Variants in KCNAB1 observed in about 807,000 individuals in gnomAD.
KCNAB1 encodes potassium voltage-gated channel subfamily A regulatory beta subunit 1.
In KCNAB1, 35 loss-of-function variants were observed where a neutral mutation model predicts 64.6. The ratio of observed to expected loss-of-function variants is 0.54; its 90% CI spans 0.41 to 0.72. The LOEUF is 0.72. Ranked by LOEUF, KCNAB1 falls within the 30% of genes least tolerant of loss-of-function variation. KCNAB1 has a pLI of 0.00. For missense variants in KCNAB1, 401 were observed against 512.9 expected, an observed-to-expected ratio of 0.78 and a Z score of 2.11; for synonymous variants, 177 against 183.8, an observed-to-expected ratio of 0.96 and a Z score of 0.30.
chr3:156,175,163 G>A (rs927284364), intron 1 of KCNAB1, among the ~76,000 whole-genome samples: 7 of 151,872 alleles, frequency 4.6e-5, no homozygotes, highest in Admixed American at 1.3e-4. Context: ...TATTTTTTAA[G>A]GCTTTTAATA....
Position 156,537,117 on chromosome 3 carries a change from C to G in KCNAB1, c.*370C>G, listed in dbSNP as rs989807818. 2.5e-5 allele frequency: 10 copies of G among 401,162 alleles called. No individual in the cohort carries two copies. The highest frequency in any genetic ancestry group is 4.4e-5 in the Admixed American group (1 of 22,972). 24.9% of individuals were successfully genotyped at this position (401,162 alleles called of 1,614,324 possible). A position where few individuals can be genotyped will look rare whatever the true frequency, so the allele number is the denominator to read the frequency against. ...TTCAAAAGAACAAAATCCACAGATG[C>G]AATGTGAGTTGCGTAAGAAACAGAG... On this transcript the variant is annotated 3_prime_UTR_variant, in exon 14 of 14. Transcript: ENST00000490337.
intron 1 of KCNAB1, among the ~76,000 whole-genome samples, chr3:156,171,047 C>T (rs560329024): frequency 5.9e-4 from 90 of 152,172 alleles, no homozygotes; most frequent in Non-Finnish European, 1.1e-3. Context: ...TGCTTTTTGG[C>T]GGTGAGTGGG....
At chr3:156,332,851 A>AT (rs1723435981) in intron 1 of KCNAB1, among the ~76,000 whole-genome samples, 7 of 152,160 alleles carry the variant, frequency 4.6e-5, no homozygotes, top group African/African-American at 1.7e-4. Flanking sequence ...GGGGAGATCA[A>AT]CTTTTTTCCC....
chr3:156,257,775 G>A (rs1435476434), intron 1 of KCNAB1, among the ~76,000 whole-genome samples: 4 of 152,170 alleles, frequency 2.6e-5, no homozygotes, highest in African/African-American at 9.7e-5. Flanking sequence ...GATGGTGACT[G>A]GCTGGTGCAG....
chr3:156,470,779 A>G (rs938195977), intron 7 of KCNAB1, among the ~76,000 whole-genome samples: 1 of 152,242 alleles, frequency 6.6e-6, no homozygotes, highest in Admixed American at 6.5e-5. Flanking sequence ...AAACTCTATG[A>G]ACTTTAAAAG....
intron 1 of KCNAB1, among the ~76,000 whole-genome samples, chr3:156,309,649 A>G (rs1721750684): frequency 6.6e-6 from 1 of 152,208 alleles, no homozygotes. Context: ...AAAATAATAT[A>G]TCAAACGGAA....
intron 1 of KCNAB1, among the ~76,000 whole-genome samples, chr3:156,144,841 A>G (rs1714945397): frequency 1.3e-5 from 2 of 152,234 alleles, no homozygotes; most frequent in African/African-American, 4.8e-5. Context: ...TTTCTCTCTC[A>G]AAAGTCTAGT....
At chr3:156,484,933 G>C (rs79899113) in intron 8 of KCNAB1, among the ~76,000 whole-genome samples, 3,933 of 152,172 alleles carry the variant, frequency 0.026, 173 homozygotes, top group African/African-American at 0.09. Flanking sequence ...GAGTTGCTCA[G>C]ACCTTCAGCT....
intron 2 of KCNAB1, among the ~76,000 whole-genome samples, chr3:156,428,534 C>CACACACACACACACACACACA (rs3219955): frequency 5.5e-5 from 8 of 146,206 alleles, no homozygotes; most frequent in Admixed American, 1.4e-4. Flanking sequence ...CACACACACA[C>CACACACACACACACACACACA]CCTATTGGTT....
intron 1 of KCNAB1, among the ~76,000 whole-genome samples, chr3:156,144,582 TGAG>T (rs1424581501): frequency 6.6e-6 from 1 of 152,122 alleles, no homozygotes; most frequent in African/African-American, 2.4e-5. Context: ...GAGGGATGGA[TGAG>T]GAGGAGATGC....
chr3:156,221,639 A>G (rs1715744867), intron 1 of KCNAB1, among the ~76,000 whole-genome samples: 1 of 152,008 alleles, frequency 6.6e-6, no homozygotes, highest in South Asian at 2.1e-4. Context: ...TTAGCCGGAC[A>G]TGGTGGTGGG....
At chr3:156,383,937 C>A (rs764267653) in intron 1 of KCNAB1, among the ~76,000 whole-genome samples, 3 of 152,042 alleles carry the variant, frequency 2.0e-5, no homozygotes, top group Non-Finnish European at 2.9e-5. Flanking sequence ...CACCATCAGG[C>A]CTGCTTTGAG....
At chr3:156,353,277 C>A (rs946442314) in intron 1 of KCNAB1, among the ~76,000 whole-genome samples, 2 of 152,190 alleles carry the variant, frequency 1.3e-5, no homozygotes, top group African/African-American at 4.8e-5. Flanking sequence ...TTCTCTCCAT[C>A]CTTTTCTCCT....
chr3:156,463,013 C>G (rs1055826941), intron 5 of KCNAB1, among the ~76,000 whole-genome samples: 15 of 152,200 alleles, frequency 9.9e-5, no homozygotes. Flanking sequence ...ATGGTAGAAA[C>G]TTGAGTTAAG....
intron 1 of KCNAB1, among the ~76,000 whole-genome samples, chr3:156,283,084 G>A (rs1201186868): frequency 6.6e-6 from 1 of 151,912 alleles, no homozygotes; most frequent in Non-Finnish European, 1.5e-5. Context: ...ATTTTGGCAT[G>A]ATTTTGCAGC....
chr3:156,388,823 C>T (rs1034354893), intron 1 of KCNAB1, among the ~76,000 whole-genome samples: 5 of 152,222 alleles, frequency 3.3e-5, no homozygotes, highest in Admixed American at 1.3e-4. Flanking sequence ...AAGCCCACAA[C>T]AGTTGAGGGC....
intron 1 of KCNAB1, among the ~76,000 whole-genome samples, chr3:156,171,668 C>T (rs1389591775): frequency 6.6e-6 from 1 of 152,162 alleles, no homozygotes; most frequent in South Asian, 2.1e-4. Flanking sequence ...TGCGAATGTA[C>T]TGTGCTGTTC....
At chr3:156,299,648 T>C (rs1229881751) in intron 1 of KCNAB1, among the ~76,000 whole-genome samples, 4 of 152,214 alleles carry the variant, frequency 2.6e-5, no homozygotes, top group African/African-American at 7.2e-5. Context: ...CAAACACATT[T>C]AAAATTCCTT....
At chr3:156,487,746 A>G (rs909122526) in intron 8 of KCNAB1, among the ~76,000 whole-genome samples, 3 of 152,142 alleles carry the variant, frequency 2.0e-5, no homozygotes, top group Non-Finnish European at 4.4e-5. Flanking sequence ...AAAGCATTGT[A>G]TCATCGCCTT....
Sources: gnomAD v4.1 joint callset for allele counts (sites outside exome capture counted in the v4.1 genomes callset) on GRCh38, gnomAD v4.1.1 for gene constraint, MANE v1.5 for transcripts, NCBI Gene and HGNC (gene_info 2026-07-23, HGNC 2026-07-21) for gene names.